KCTD16: variants seen among roughly 807,000 people sequenced by gnomAD.
KCTD16 encodes BTB/POZ domain-containing protein KCTD16.
In KCTD16, 13 loss-of-function variants were observed where a neutral mutation model predicts 33.2. The ratio of observed to expected loss-of-function variants is 0.39; its 90% CI spans 0.25 to 0.62. The LOEUF is 0.62. Among genes scored for constraint, KCTD16 ranks in the 20% least tolerant of loss-of-function variants. The pLI is 0.50. For synonymous variants in KCTD16, 197 were observed against 195.3 expected (o/e 1.01, Z -0.07); for missense variants, 441 against 525.1 (o/e 0.84, Z 1.57).
chr5:144,194,589 T>C (rs962074601), intron 2 of KCTD16, among the ~76,000 whole-genome samples: 51 of 152,356 alleles, frequency 3.3e-4, no homozygotes, highest in African/African-American at 1.1e-3. Flanking sequence ...TAGCAAATGA[T>C]ACATTTGTTG....
chr5:144,392,962 T>A (rs1752483184), intron 3 of KCTD16, among the ~76,000 whole-genome samples: 1 of 152,174 alleles, frequency 6.6e-6, no homozygotes, highest in Non-Finnish European at 1.5e-5. Flanking sequence ...TGAGGTTGTT[T>A]GTTATTGCAG....
chr5:144,221,574 G>A (rs534701568), intron 3 of KCTD16, among the ~76,000 whole-genome samples: 10 of 152,174 alleles, frequency 6.6e-5, no homozygotes, highest in East Asian at 1.9e-4. Flanking sequence ...AGCTTCATCC[G>A]TGTCCCTGCA....
intron 2 of KCTD16, among the ~76,000 whole-genome samples, chr5:144,200,816 C>A (rs1753030281): frequency 6.6e-6 from 1 of 152,200 alleles, no homozygotes; most frequent in Non-Finnish European, 1.5e-5. Flanking sequence ...TAGCTCATTG[C>A]ACCCTTAAAC....
At chr5:144,446,561 C>A (rs1218037371) in intron 3 of KCTD16, among the ~76,000 whole-genome samples, 5 of 152,018 alleles carry the variant, frequency 3.3e-5, no homozygotes, top group Non-Finnish European at 7.4e-5. Flanking sequence ...CAAATGAGAT[C>A]TAATTAAAAT....
At chr5:144,446,511 C>T (rs1753820004) in intron 3 of KCTD16, among the ~76,000 whole-genome samples, 1 of 152,026 alleles carries the variant, frequency 6.6e-6, no homozygotes, top group Non-Finnish European at 1.5e-5. Flanking sequence ...GACTTCATGA[C>T]TAAAACACCA....
At chr5:144,204,282 G>A (rs943847950) in intron 2 of KCTD16, among the ~76,000 whole-genome samples, 1 of 152,166 alleles carries the variant, frequency 6.6e-6, no homozygotes, top group Non-Finnish European at 1.5e-5. Context: ...GGGATGGCGT[G>A]TGCCTCACAT....
At chr5:144,255,708 A>G (rs569813208) in intron 3 of KCTD16, among the ~76,000 whole-genome samples, 9 of 152,326 alleles carry the variant, frequency 5.9e-5, no homozygotes, top group Admixed American at 1.3e-4. Flanking sequence ...GACTTTGAAA[A>G]AAATTTAGTA....
intron 3 of KCTD16, among the ~76,000 whole-genome samples, chr5:144,414,800 A>G (rs532483195): frequency 8.1e-4 from 123 of 152,292 alleles, no homozygotes; most frequent in African/African-American, 2.9e-3. Flanking sequence ...CCAAGACACA[A>G]TAATGAACAT....
At chr5:144,356,871 T>C (rs1221022352) in intron 3 of KCTD16, among the ~76,000 whole-genome samples, 5 of 152,088 alleles carry the variant, frequency 3.3e-5, no homozygotes, top group African/African-American at 1.2e-4. Flanking sequence ...TTCCCCTCTC[T>C]TGTCTTCATT....
At chr5:144,252,404 C>A (rs1414044718) in intron 3 of KCTD16, among the ~76,000 whole-genome samples, 2 of 152,280 alleles carry the variant, frequency 1.3e-5, no homozygotes, top group African/African-American at 2.4e-5. Context: ...ATATTTCAAT[C>A]TGCCATTATT....
chr5:144,296,215 TA>T (rs61121607), intron 3 of KCTD16, among the ~76,000 whole-genome samples: 1 of 151,726 alleles, frequency 6.6e-6, no homozygotes, highest in African/African-American at 2.4e-5. Flanking sequence ...CCAGAAATGG[TA>T]AAAAAAATAA....
At chr5:144,318,223 C>T (rs1419627147) in intron 3 of KCTD16, among the ~76,000 whole-genome samples, 1 of 152,112 alleles carries the variant, frequency 6.6e-6, no homozygotes, top group Non-Finnish European at 1.5e-5. Flanking sequence ...CTGTTCAAAC[C>T]TTTGTTATTA....
intron 2 of KCTD16, chr5:144,205,650 C>T (rs1753147817): frequency 2.5e-6 from 1 of 398,610 alleles, no homozygotes; most frequent in Non-Finnish European, 4.4e-6. Flanking sequence ...TTGCAACTCT[C>T]TTCTAAGGAT....
At chr5:144,186,522 T>A (rs1752730506) in intron 2 of KCTD16, among the ~76,000 whole-genome samples, 1 of 152,148 alleles carries the variant, frequency 6.6e-6, no homozygotes, top group Non-Finnish European at 1.5e-5. Flanking sequence ...ATATTCTAGA[T>A]TTGTAGTTTT....
chr5:144,259,257 C>CAAAAA (rs1166248798), intron 3 of KCTD16, among the ~76,000 whole-genome samples: 3 of 48,386 alleles, frequency 6.2e-5, no homozygotes, highest in East Asian at 7.8e-4. Flanking sequence ...GACTCCATCT[C>CAAAAA]AAAAAAAAAA....
chr5:144,186,390 T>C (rs1457584433), intron 2 of KCTD16, among the ~76,000 whole-genome samples: 1 of 151,770 alleles, frequency 6.6e-6, no homozygotes, highest in Admixed American at 6.6e-5. Flanking sequence ...AATGGCTTAT[T>C]GTCCCTGTTC....
At chr5:144,342,433 G>C (rs1173189786) in intron 3 of KCTD16, among the ~76,000 whole-genome samples, 1 of 152,174 alleles carries the variant, frequency 6.6e-6, no homozygotes, top group Admixed American at 6.5e-5. Context: ...TTTGTATCCT[G>C]AGACTTTGCT....
At chr5:144,333,544 G>T (rs974559206) in intron 3 of KCTD16, among the ~76,000 whole-genome samples, 13 of 152,072 alleles carry the variant, frequency 8.5e-5, no homozygotes, top group Admixed American at 5.9e-4. Context: ...ATTTGTTTGT[G>T]GTCAGCTGCA....
At chr5:144,366,409 C>A (rs1484543851) in intron 3 of KCTD16, among the ~76,000 whole-genome samples, 1 of 152,138 alleles carries the variant, frequency 6.6e-6, no homozygotes, top group Admixed American at 6.6e-5. Context: ...CCCCTGACAT[C>A]CTTTGCTATC....
Sources: gnomAD v4.1 joint callset for allele counts (sites outside exome capture counted in the v4.1 genomes callset) on GRCh38, gnomAD v4.1.1 for gene constraint, MANE v1.5 for transcripts, NCBI Gene and HGNC (gene_info 2026-07-23, HGNC 2026-07-21) for gene names.